CACNA2D1: variants seen among roughly 807,000 people sequenced by gnomAD.
CACNA2D1 encodes voltage-dependent calcium channel subunit alpha-2/delta-1.
CACNA2D1 carries 53 observed loss-of-function variants against 171.5 expected under a neutral mutation model. The observed-to-expected ratio is 0.31, with a 90% confidence interval of 0.25 to 0.39. CACNA2D1 has a LOEUF of 0.39. Among genes scored for constraint, CACNA2D1 ranks in the 10% least tolerant of loss-of-function variants. The probability of loss-of-function intolerance (pLI) is 1.00; values close to 1 mark genes in which losing one functional copy is unlikely to be tolerated. For missense variants in CACNA2D1, 903 were observed against 1,299.8 expected, an observed-to-expected ratio of 0.69 and a Z score of 4.69; for synonymous variants, 442 against 443.1, an observed-to-expected ratio of 1.00 and a Z score of 0.03.
chr7:82,392,733 T>C (rs1563482330), intron 1 of CACNA2D1, among the ~76,000 whole-genome samples: 1 of 152,126 alleles, frequency 6.6e-6, no homozygotes, highest in African/African-American at 2.4e-5. Context: ...GATTGGAGAA[T>C]AGATAGTATA....
chr7:82,299,583 C>G (rs1193822289), intron 3 of CACNA2D1, among the ~76,000 whole-genome samples: 2 of 151,604 alleles, frequency 1.3e-5, no homozygotes, highest in Admixed American at 6.6e-5. Context: ...TCACTTGAAC[C>G]TGGGAGGCGG....
intron 21 of CACNA2D1, among the ~76,000 whole-genome samples, chr7:81,990,558 A>C (rs1350820932): frequency 3.3e-5 from 5 of 152,084 alleles, no homozygotes; most frequent in African/African-American, 1.2e-4. Flanking sequence ...GAAAAAAAAA[A>C]CAGAATGAGT....
intron 3 of CACNA2D1, among the ~76,000 whole-genome samples, chr7:82,254,194 T>C (rs1806002057): frequency 6.6e-6 from 1 of 152,080 alleles, no homozygotes; most frequent in Non-Finnish European, 1.5e-5. Context: ...AAAATAAATA[T>C]AAAACAAACA....
intron 3 of CACNA2D1, among the ~76,000 whole-genome samples, chr7:82,239,344 C>T (rs1803978739): frequency 6.6e-6 from 1 of 151,750 alleles, no homozygotes; most frequent in Non-Finnish European, 1.5e-5. Context: ...TATGAAGGCA[C>T]CATAAGGAAA....
chr7:82,369,840 A>G (rs968885194), intron 1 of CACNA2D1, among the ~76,000 whole-genome samples: 3 of 152,124 alleles, frequency 2.0e-5, no homozygotes, highest in Non-Finnish European at 4.4e-5. Flanking sequence ...ATTAAAACAA[A>G]AAGAAAACCA....
At chr7:82,408,108 C>A (rs1348931407) in intron 1 of CACNA2D1, among the ~76,000 whole-genome samples, 2 of 151,624 alleles carry the variant, frequency 1.3e-5, no homozygotes, top group Non-Finnish European at 2.9e-5. Context: ...GCAACCTCCG[C>A]CTCCCAGGTT....
intron 3 of CACNA2D1, among the ~76,000 whole-genome samples, chr7:82,209,863 G>A (rs981003522): frequency 6.6e-6 from 1 of 151,938 alleles, no homozygotes; most frequent in African/African-American, 2.4e-5. Flanking sequence ...TATATTTTTG[G>A]TACTTTCAGA....
chr7:82,170,745 C>G (rs1233909896), intron 3 of CACNA2D1, 136 bp from the exon 4 acceptor site: 5 of 794,362 alleles, frequency 6.3e-6, no homozygotes, highest in Non-Finnish European at 1.1e-5. Context: ...TTCATAAATT[C>G]TAAATCATTT....
chr7:82,159,231 T>A (rs1348885908), intron 4 of CACNA2D1, among the ~76,000 whole-genome samples: 9 of 151,868 alleles, frequency 5.9e-5, no homozygotes, highest in Non-Finnish European at 1.3e-4. Context: ...ACAAAATAAA[T>A]CCCAGTAAGA....
At chr7:81,969,811 G>A (rs1353482944) in intron 28 of CACNA2D1, 70 bp downstream of exon 28, 54 of 826,448 alleles carry the variant, frequency 6.5e-5, no homozygotes, top group South Asian at 5.3e-4. Flanking sequence ...GATTTGGGGG[G>A]AGAGCAGATA....
At chr7:82,400,457 C>T (rs534451534) in intron 1 of CACNA2D1, among the ~76,000 whole-genome samples, 42 of 152,100 alleles carry the variant, frequency 2.8e-4, no homozygotes, top group African/African-American at 8.9e-4. Flanking sequence ...AATGGGGAAA[C>T]GATTCCCTAT....
intron 12 of CACNA2D1, among the ~76,000 whole-genome samples, chr7:82,025,929 G>A (rs1801839996): frequency 6.6e-6 from 1 of 151,500 alleles, no homozygotes; most frequent in African/African-American, 2.4e-5. Flanking sequence ...CCCCTTCAGT[G>A]CTGTCCATGT....
intron 3 of CACNA2D1, among the ~76,000 whole-genome samples, chr7:82,253,176 AAG>A (rs1363323933): frequency 6.6e-6 from 1 of 152,238 alleles, no homozygotes; most frequent in African/African-American, 2.4e-5. Context: ...TTTCATAACA[AAG>A]AGAATGAGAA....
intron 3 of CACNA2D1, among the ~76,000 whole-genome samples, chr7:82,220,781 C>CTTTTTTTTTTTTTTTTT (rs71093369): frequency 7.4e-6 from 1 of 134,444 alleles, no homozygotes; most frequent in Admixed American, 7.8e-5. Context: ...TTTCTTTTTT[C>CTTTTTTTTTTTTTTTTT]TTTTTTTTTT....
chr7:81,994,080 T>C (rs544528427), intron 20 of CACNA2D1, among the ~76,000 whole-genome samples: 1 of 152,220 alleles, frequency 6.6e-6, no homozygotes, highest in South Asian at 2.1e-4. Context: ...TGATGAGGAA[T>C]TTCAGAGGAA....
Position 82,013,457 on chromosome 7 carries a change from A to G in CACNA2D1, c.1272+4T>C. The G allele has an allele frequency of 1.8e-6, 2 of 1,096,276 alleles. No individual in the cohort carries two copies. The highest frequency in any genetic ancestry group is 1.3e-6 in the Non-Finnish European group (1 of 788,714). 67.9% of individuals were successfully genotyped at this position (1,096,276 alleles called of 1,614,324 possible). ...TAATTTAAACAAGTTTTAAATAATC[A>G]TACCTGAGTATTGATTCTTATTGCA... On this transcript the variant is annotated splice_donor_region_variant and intron_variant, in intron 14 of 38. Coordinates refer to ENST00000356860, the MANE Select transcript of CACNA2D1 (RefSeq NM_000722.4).
chr7:82,282,190 T>C (rs1037984494), intron 3 of CACNA2D1, among the ~76,000 whole-genome samples: 1 of 152,170 alleles, frequency 6.6e-6, no homozygotes, highest in Non-Finnish European at 1.5e-5. Flanking sequence ...CCCAGCTACT[T>C]CGGAGGCTGA....
chr7:82,117,348 TCA>T (rs1789184124), intron 5 of CACNA2D1, among the ~76,000 whole-genome samples, 175 bp from the exon 6 acceptor site: 1 of 152,192 alleles, frequency 6.6e-6, no homozygotes, highest in Non-Finnish European at 1.5e-5. Flanking sequence ...GTATTAGCAC[TCA>T]CAGTATATCT....
At chr7:82,305,955 A>G (rs1270959004) in intron 3 of CACNA2D1, among the ~76,000 whole-genome samples, 1 of 152,184 alleles carries the variant, frequency 6.6e-6, no homozygotes, top group Non-Finnish European at 1.5e-5. Context: ...GTGGAATCCA[A>G]TTGAGCAGAT....
Sources: gnomAD v4.1 joint callset for allele counts (sites outside exome capture counted in the v4.1 genomes callset) on GRCh38, gnomAD v4.1.1 for gene constraint, MANE v1.5 for transcripts, NCBI Gene and HGNC (gene_info 2026-07-23, HGNC 2026-07-21) for gene names.